UTRN: variants seen among roughly 807,000 people sequenced by gnomAD.
The protein encoded by UTRN is dystrophin-related protein 1.
Under a neutral mutation model 463.9 loss-of-function variants are expected in UTRN, and 283 were observed. The observed-to-expected ratio is 0.61, with a 90% CI of 0.55 to 0.67. The LOEUF (loss-of-function observed/expected upper bound fraction) is 0.67, where lower values mean the gene tolerates loss of function less well. Ranked by LOEUF, UTRN falls within the 30% of genes least tolerant of loss-of-function variation. The pLI is 0.00. For synonymous variants in UTRN, 1,442 were observed against 1,431.5 expected (o/e 1.01, Z -0.17); for missense variants, 3,922 against 4,084.3 (o/e 0.96, Z 1.08).
At chr6:144,504,341 C>A (rs1794507978) in intron 34 of UTRN, among the ~76,000 whole-genome samples, 1 of 152,126 alleles carries the variant, frequency 6.6e-6, no homozygotes, top group South Asian at 2.1e-4. Context: ...ATGCTTTCAG[C>A]TTTTGCCCAT....
chr6:144,543,789 A>T (rs1426762021), intron 46 of UTRN, among the ~76,000 whole-genome samples: 1 of 151,950 alleles, frequency 6.6e-6, no homozygotes, highest in Non-Finnish European at 1.5e-5. Flanking sequence ...CAAGTTTTGA[A>T]AAAAGTGATG....
At chr6:144,841,291 G>A (rs890543701) in intron 73 of UTRN, among the ~76,000 whole-genome samples, 14 of 152,226 alleles carry the variant, frequency 9.2e-5, no homozygotes, top group African/African-American at 3.4e-4. Flanking sequence ...GAAAGGGATT[G>A]TTTTCAGATT....
chr6:144,827,679 A>G lies in UTRN; in HGVS notation c.9599+3A>G. The G allele has an allele frequency of 6.2e-7, 1 of 1,613,510 alleles. No homozygotes were observed. On this transcript the variant is annotated splice_donor_region_variant and intron_variant, in intron 68 of 74. Transcript: ENST00000367545. The stretch of plus-strand genomic sequence containing the variant: ...AGAATAGAACAATATGCCACACGGT[A>G]AGAAACTTTGATCAGAGCCCTCCAC...
intron 54 of UTRN, among the ~76,000 whole-genome samples, chr6:144,734,114 T>A (rs914249752): frequency 6.6e-6 from 1 of 152,082 alleles, no homozygotes; most frequent in Non-Finnish European, 1.5e-5. Context: ...ATGATTCCTC[T>A]CTCACCCCTC....
chr6:144,736,400 T>C (rs1271636953), intron 54 of UTRN, among the ~76,000 whole-genome samples: 1 of 152,222 alleles, frequency 6.6e-6, no homozygotes, highest in Non-Finnish European at 1.5e-5. Context: ...TTCTTTTAGG[T>C]AACCATTCTA....
chr6:144,742,500 G>T (rs1009593174), intron 54 of UTRN, among the ~76,000 whole-genome samples: 1 of 152,108 alleles, frequency 6.6e-6, no homozygotes, highest in Admixed American at 6.6e-5. Flanking sequence ...ATAGGAGGGG[G>T]GTAAAGAGAG....
At chr6:144,424,339 G>A (rs1325059358) in intron 6 of UTRN, among the ~76,000 whole-genome samples, 1 of 152,068 alleles carries the variant, frequency 6.6e-6, no homozygotes, top group East Asian at 1.9e-4. Flanking sequence ...CAGTTCCTTG[G>A]CCTGTGATAA....
intron 52 of UTRN, among the ~76,000 whole-genome samples, chr6:144,696,623 A>C (rs1367851358): frequency 6.6e-6 from 1 of 152,096 alleles, no homozygotes; most frequent in East Asian, 1.9e-4. Context: ...ATTTTCTTTC[A>C]TTATAACCCA....
intron 2 of UTRN, among the ~76,000 whole-genome samples, chr6:144,319,072 A>G (rs754118709): frequency 2.7e-5 from 4 of 146,908 alleles, no homozygotes; most frequent in Non-Finnish European, 5.9e-5. Context: ...CTGTCTCAAA[A>G]TAAAACAAAC....
At chr6:144,429,833 G>A in intron 9 of UTRN, 92 bp downstream of exon 9, 1 of 1,357,818 alleles carries the variant, frequency 7.4e-7, no homozygotes, top group South Asian at 1.4e-5. Flanking sequence ...TTTTTTTCTT[G>A]ACTGAGAACA....
chr6:144,609,711 T>C (rs971778038), intron 51 of UTRN, among the ~76,000 whole-genome samples: 3 of 152,186 alleles, frequency 2.0e-5, no homozygotes, highest in African/African-American at 7.2e-5. Context: ...TGTAAGAGTA[T>C]TGAAATCATA....
At chr6:144,589,714 G>C (rs576297986) in intron 51 of UTRN, among the ~76,000 whole-genome samples, 2 of 152,094 alleles carry the variant, frequency 1.3e-5, no homozygotes, top group African/African-American at 4.8e-5. Context: ...ACATGAGCTG[G>C]AGCATGAGAA....
intron 52 of UTRN, among the ~76,000 whole-genome samples, chr6:144,686,342 G>C (rs1782754251): frequency 6.6e-6 from 1 of 152,130 alleles, no homozygotes; most frequent in Non-Finnish European, 1.5e-5. Flanking sequence ...TCCATATGCT[G>C]ATGAGAGGAT....
intron 2 of UTRN, among the ~76,000 whole-genome samples, chr6:144,388,030 G>T (rs1781558488): frequency 6.6e-6 from 1 of 151,980 alleles, no homozygotes; most frequent in African/African-American, 2.4e-5. Flanking sequence ...TTACAAGATG[G>T]GTGCATTAAA....
At chr6:144,383,535 C>T (rs1781123167) in intron 2 of UTRN, among the ~76,000 whole-genome samples, 1 of 152,196 alleles carries the variant, frequency 6.6e-6, no homozygotes, top group African/African-American at 2.4e-5. Context: ...ATGTTCATGC[C>T]AGCCAAGTCT....
intron 51 of UTRN, among the ~76,000 whole-genome samples, chr6:144,641,656 G>C (rs1325683194): frequency 6.6e-6 from 1 of 152,130 alleles, no homozygotes; most frequent in Non-Finnish European, 1.5e-5. Context: ...TTATGGAAAT[G>C]ATTCCTTGGC....
chr6:144,332,890 T>C (rs1776437165), intron 2 of UTRN, among the ~76,000 whole-genome samples: 1 of 151,508 alleles, frequency 6.6e-6, no homozygotes, highest in South Asian at 2.1e-4. Context: ...AATGTTCTCA[T>C]GCTGATATTA....
rs1367898110 is a variant in UTRN, at chr6:144,516,868, C to T, written c.5461C>T (p.His1821Tyr). The T allele has an allele frequency of 6.6e-7, 1 of 1,513,632 alleles. No individual in the cohort carries two copies. The highest frequency in any genetic ancestry group is 1.3e-5 in the South Asian group (1 of 74,262). 93.8% of individuals were successfully genotyped at this position (1,513,632 alleles called of 1,614,324 possible). A position where few individuals can be genotyped will look rare whatever the true frequency, so the allele number is the denominator to read the frequency against. The change falls in exon 39 of 75, where the codon CAT becomes TAT. Residue 1821 changes from histidine (H) to tyrosine (Y), a missense_variant. Physicochemically the swap from His to Tyr is moderately conservative, Grantham distance 83 (BLOSUM62 2). This residue lies in a region of UTRN where 2,349 missense variants were observed against 2,303.8 expected (regional missense o/e 1.02). Transcript: ENST00000367545. ...EVLQRGEEML[H>Y]QPMEDNKKEK... ...TCTACAAAGAGGAGAAGAAATGTTA[C>T]ATCAACCTATGGAAGATAATAAAAA...
chr6:144,441,022 A>T (rs551131537), intron 13 of UTRN, among the ~76,000 whole-genome samples: 2 of 152,250 alleles, frequency 1.3e-5, no homozygotes, highest in South Asian at 4.2e-4. Context: ...ATTACCTCCC[A>T]CTGGGTTCCT....
Sources: gnomAD v4.1 joint callset for allele counts (sites outside exome capture counted in the v4.1 genomes callset) on GRCh38, gnomAD v4.1.1 for gene constraint, gnomAD v4.1.1 regional missense constraint, MANE v1.5 for transcripts, NCBI Gene and HGNC (gene_info 2026-07-23, HGNC 2026-07-21) for gene names.